The following PPP2R2B variants were observed in gnomAD, a reference collection of about 807,000 sequenced individuals.
PPP2R2B encodes serine/threonine-protein phosphatase 2A 55 kDa regulatory subunit B beta isoform.
In PPP2R2B, 5 loss-of-function variants were observed where a neutral mutation model predicts 46.0. That is an observed-to-expected ratio of 0.11 (90% CI 0.06 to 0.23). The LOEUF is 0.23. Among genes scored for constraint, PPP2R2B ranks in the 10% least tolerant of loss-of-function variants. The probability of loss-of-function intolerance (pLI) is 1.00; values close to 1 mark genes in which losing one functional copy is unlikely to be tolerated. For synonymous variants in PPP2R2B, 215 were observed against 206.7 expected, an observed-to-expected ratio of 1.04 and a Z score of -0.34; for missense variants, 367 against 575.0, an observed-to-expected ratio of 0.64 and a Z score of 3.70.
intron 9 of PPP2R2B, among the ~76,000 whole-genome samples, chr5:146,591,502 A>G (rs1056374142): frequency 2.6e-5 from 4 of 152,114 alleles, no homozygotes; most frequent in East Asian, 3.9e-4. Flanking sequence ...CAGAGAAGTA[A>G]TTTGCTCAGT....
At chr5:146,926,225 A>G (rs1763778003) in intron 1 of PPP2R2B, among the ~76,000 whole-genome samples, 1 of 151,888 alleles carries the variant, frequency 6.6e-6, no homozygotes, top group Non-Finnish European at 1.5e-5. Flanking sequence ...AACACATTGC[A>G]ACGACTCTGA....
chr5:147,077,212 A>G (rs1458716646), intron 2 of PPP2R2B, among the ~76,000 whole-genome samples: 2 of 147,284 alleles, frequency 1.4e-5, no homozygotes, highest in African/African-American at 5.0e-5. Context: ...TATGTACAAT[A>G]TACACATATG....
At chr5:146,592,826 T>C in intron 9 of PPP2R2B, 145 bp downstream of exon 9, 1 of 704,524 alleles carries the variant, frequency 1.4e-6, no homozygotes, top group Non-Finnish European at 2.5e-6. Context: ...ACTTCAAGGG[T>C]CACTAGGGGC....
intron 2 of PPP2R2B, among the ~76,000 whole-genome samples, chr5:146,742,799 G>A (rs958612183): frequency 6.6e-6 from 1 of 152,118 alleles, no homozygotes; most frequent in Non-Finnish European, 1.5e-5. Flanking sequence ...AATATGACTA[G>A]TGTCCTTATA....
chr5:146,894,929 T>A, intron 1 of PPP2R2B, among the ~76,000 whole-genome samples: 1 of 152,202 alleles, frequency 6.6e-6, no homozygotes, highest in East Asian at 1.9e-4. Flanking sequence ...TTAATCATGA[T>A]CTTATCTGTA....
Position 146,777,620 on chromosome 5 carries a change from GT to G in PPP2R2B, c.71-76479del, listed in dbSNP as rs370897003. Reference sequence around the variant, plus strand: ...AAGTGGTTAAAATGGTAAATTTTATGTTATATATATTTTACCACAGTAAAAA... The same window carrying G: ...AAGTGGTTAAAATGGTAAATTTTATGTATATATATTTTACCACAGTAAAAA... On this transcript the variant is annotated intron_variant, in intron 2 of 9. Coordinates refer to ENST00000394411, the MANE Select transcript of PPP2R2B (RefSeq NM_181675.4). Among the ~76,000 whole-genome samples the G allele has an allele frequency of 8.4e-4, 128 of 152,180 alleles. No individual in the cohort carries two copies. The East Asian group carries it at 0.02, about 23-fold the overall frequency.
intron 2 of PPP2R2B, chr5:146,706,557 T>C: frequency 1.0e-6 from 1 of 991,390 alleles, no homozygotes; most frequent in Non-Finnish European, 1.6e-6. Context: ...AAGGGCGGCC[T>C]CCAGCTCGGA....
chr5:146,634,807 G>A (rs1253860704), intron 7 of PPP2R2B, among the ~76,000 whole-genome samples: 4 of 151,950 alleles, frequency 2.6e-5, no homozygotes, highest in Admixed American at 1.3e-4. Context: ...TGTTTGTCTG[G>A]AGAACCCTAA....
chr5:146,711,603 C>A (rs1780216186), intron 2 of PPP2R2B, among the ~76,000 whole-genome samples: 1 of 152,104 alleles, frequency 6.6e-6, no homozygotes, highest in African/African-American at 2.4e-5. Context: ...AGGTAGGGTC[C>A]TACTTGGGAG....
intron 1 of PPP2R2B, among the ~76,000 whole-genome samples, chr5:146,952,291 G>A (rs1429330213): frequency 3.3e-5 from 5 of 151,910 alleles, no homozygotes; most frequent in Non-Finnish European, 5.9e-5. Flanking sequence ...AAGTACTTGT[G>A]GTGATTTTTT....
At chr5:146,646,858 T>G (rs1253737696) in intron 6 of PPP2R2B, among the ~76,000 whole-genome samples, 2 of 152,156 alleles carry the variant, frequency 1.3e-5, no homozygotes, top group African/African-American at 4.8e-5. Context: ...TGCGTATGTG[T>G]GTGTGTGTGT....
intron 6 of PPP2R2B, among the ~76,000 whole-genome samples, chr5:146,646,067 C>T (rs1319386156): frequency 6.6e-6 from 1 of 152,204 alleles, no homozygotes; most frequent in Non-Finnish European, 1.5e-5. Flanking sequence ...TTCATAGAAC[C>T]ATATTCCCTG....
chr5:146,878,908 CA>C (rs1383123352), upstream of PPP2R2B: 1 of 1,148,336 alleles, frequency 8.7e-7, no homozygotes, highest in East Asian at 4.6e-5. The surrounding 1 kb of genome is among the most constrained non-coding windows in gnomAD (Gnocchi z 4.5). Context: ...CGCGAATCGG[CA>C]CCTGGGCAGC....
intron 1 of PPP2R2B, among the ~76,000 whole-genome samples, chr5:146,959,535 A>G (rs1459347076): frequency 6.6e-6 from 1 of 152,144 alleles, no homozygotes; most frequent in Non-Finnish European, 1.5e-5. Flanking sequence ...TTATATATGC[A>G]TGCATGAATA....
At chr5:147,068,526 GTTAT>G (rs1286250042) in intron 2 of PPP2R2B, among the ~76,000 whole-genome samples, 2 of 152,216 alleles carry the variant, frequency 1.3e-5, no homozygotes, top group South Asian at 2.1e-4. Flanking sequence ...AATAAAGTTT[GTTAT>G]TTATTTTTTC....
intron 1 of PPP2R2B, among the ~76,000 whole-genome samples, chr5:146,889,890 G>A (rs920927773): frequency 2.0e-5 from 3 of 152,070 alleles, no homozygotes; most frequent in Admixed American, 2.0e-4. Flanking sequence ...CTAAAAAATG[G>A]GCTTAGAGAG....
At chr5:146,959,552 T>C (rs1319647318) in intron 1 of PPP2R2B, among the ~76,000 whole-genome samples, 2 of 152,186 alleles carry the variant, frequency 1.3e-5, no homozygotes, top group Admixed American at 1.3e-4. Context: ...AATAAATGCA[T>C]GCACTGTGGT....
At chr5:146,808,826 C>T (rs926068421) in intron 2 of PPP2R2B, among the ~76,000 whole-genome samples, 5 of 152,276 alleles carry the variant, frequency 3.3e-5, no homozygotes, top group Non-Finnish European at 4.4e-5. Context: ...CTAGTCAATT[C>T]TACTTTCATG....
chr5:146,629,840 G>A (rs3096083), intron 7 of PPP2R2B, among the ~76,000 whole-genome samples: 15,740 of 146,452 alleles, frequency 0.11, 2,053 homozygotes, highest in African/African-American at 0.3. Context: ...TTGCCCTCTC[G>A]TCTTGCTCTG....
Sources: gnomAD v4.1 joint callset for allele counts (sites outside exome capture counted in the v4.1 genomes callset) on GRCh38, gnomAD v4.1.1 for gene constraint, Gnocchi (gnomAD v3.1) non-coding constraint, MANE v1.5 for transcripts, NCBI Gene and HGNC (gene_info 2026-07-23, HGNC 2026-07-21) for gene names.